ZNF710: variants seen among roughly 807,000 people sequenced by gnomAD.
ZNF710 encodes zinc finger protein 710.
In ZNF710, 13 loss-of-function variants were observed where a neutral mutation model predicts 50.6. The ratio of observed to expected loss-of-function variants is 0.26; its 90% CI spans 0.17 to 0.41. The LOEUF (loss-of-function observed/expected upper bound fraction) is 0.41. ZNF710 is among the 10% of genes least tolerant of loss of function. The pLI is 1.00. For missense variants in ZNF710, 721 were observed against 936.6 expected, an observed-to-expected ratio of 0.77 and a Z score of 3.01; for synonymous variants, 383 against 397.0, an observed-to-expected ratio of 0.96 and a Z score of 0.42.
At chr15:90,050,642 G>T (rs559994967) in intron 1 of ZNF710, among the ~76,000 whole-genome samples, 13 of 152,330 alleles carry the variant, frequency 8.5e-5, no homozygotes, top group African/African-American at 3.1e-4. Context: ...GGAGACTGAG[G>T]CACACACAGA....
intron 1 of ZNF710, among the ~76,000 whole-genome samples, chr15:90,053,065 T>G (rs1899696147): frequency 6.6e-6 from 1 of 152,268 alleles, no homozygotes; most frequent in South Asian, 2.1e-4. Flanking sequence ...GGTGGCAACC[T>G]TTCATTCTGC....
chr15:90,077,620 A>C (rs1900624505), intron 4 of ZNF710, among the ~76,000 whole-genome samples: 1 of 152,122 alleles, frequency 6.6e-6, no homozygotes, highest in Non-Finnish European at 1.5e-5. Flanking sequence ...TGAGGGAAGA[A>C]ACAGCCCAAA....
In ZNF710 at chr15:90,080,054, AAGG is replaced by A. The variant is rs2151543257; in HGVS notation, c.*228_*230del. 6.6e-6 allele frequency: 3 copies of A among 456,666 alleles called. No individual in the cohort carries two copies. Among genetic ancestry groups the A allele is most frequent in the South Asian group, 6.6e-5 (2 of 30,428 alleles). The allele number at this position is 456,666 out of a possible 1,614,324, so 28.3% of individuals were successfully genotyped here. On this transcript the variant is annotated 3_prime_UTR_variant, in exon 5 of 5. Coordinates refer to ENST00000268154, the MANE Select transcript of ZNF710 (RefSeq NM_198526.4). ...ACAGGCCCAGGCATCCCAGCAAGGG[AAGG>A]AGAACACGCGAGGCCCAGATCTGGG...
chr15:90,029,097 C>G (rs914085040), intron 1 of ZNF710, among the ~76,000 whole-genome samples: 1 of 152,206 alleles, frequency 6.6e-6, no homozygotes, highest in African/African-American at 2.4e-5. Context: ...CAGGGAAAGG[C>G]TGTGCTCTGT....
intron 3 of ZNF710, 46 bp downstream of exon 3, chr15:90,073,308 T>C (rs1298233272): frequency 6.3e-7 from 1 of 1,585,006 alleles, no homozygotes; most frequent in African/African-American, 1.3e-5. Context: ...CCGAGGGTGG[T>C]CTGGAATCAG....
chr15:90,072,915 G>A (rs1900441595), intron 2 of ZNF710, among the ~76,000 whole-genome samples, 156 bp from the exon 3 acceptor site: 1 of 152,068 alleles, frequency 6.6e-6, no homozygotes, highest in Non-Finnish European at 1.5e-5. Flanking sequence ...TTTTAAACAA[G>A]TGTTACCTAT....
At chr15:90,036,856 C>T (rs1899143228) in intron 1 of ZNF710, among the ~76,000 whole-genome samples, 1 of 152,172 alleles carries the variant, frequency 6.6e-6, no homozygotes, top group African/African-American at 2.4e-5. Context: ...GCCTCGGTGA[C>T]CCCATCTCCA....
At chr15:90,058,114 C>CAAA (rs1325719789) in intron 1 of ZNF710, among the ~76,000 whole-genome samples, 1 of 152,050 alleles carries the variant, frequency 6.6e-6, no homozygotes, top group African/African-American at 2.4e-5. Flanking sequence ...GGGAATGGAT[C>CAAA]AAGAGAGCGA....
chr15:90,073,989 C>CA (rs35145118), intron 3 of ZNF710, 127 bp from the exon 4 acceptor site: 84,558 of 670,968 alleles, frequency 0.13, 5,020 homozygotes, highest in Admixed American at 0.24. Flanking sequence ...GAGTCTGTCT[C>CA]AAAAAAAAAA....
At chr15:90,027,196 G>A (rs376695373) in intron 1 of ZNF710, among the ~76,000 whole-genome samples, 41 of 152,084 alleles carry the variant, frequency 2.7e-4, no homozygotes, top group Middle Eastern at 3.4e-3. Flanking sequence ...TTAAAAAATT[G>A]TAACTTCTTT....
At chr15:90,026,491 A>G (rs947038899) in intron 1 of ZNF710, among the ~76,000 whole-genome samples, 8 of 152,102 alleles carry the variant, frequency 5.3e-5, no homozygotes, top group Admixed American at 3.3e-4. Flanking sequence ...TGTTTTTGCT[A>G]GTTAATTATT....
chr15:90,001,895 A>G (rs1596257654), intron 1 of ZNF710, among the ~76,000 whole-genome samples: 1 of 27,806 alleles, frequency 3.6e-5, no homozygotes, highest in Non-Finnish European at 7.4e-5. Flanking sequence ...GGGGGGAGGG[A>G]GAGGAGGGGG....
chr15:90,033,739 GT>G (rs1334153595), intron 1 of ZNF710, among the ~76,000 whole-genome samples: 1 of 152,166 alleles, frequency 6.6e-6, no homozygotes, highest in Non-Finnish European at 1.5e-5. Context: ...CATAGACTTG[GT>G]TTGACTCTGG....
chr15:90,005,784 G>A (rs891940385), intron 1 of ZNF710, among the ~76,000 whole-genome samples: 1 of 152,166 alleles, frequency 6.6e-6, no homozygotes, highest in African/African-American at 2.4e-5. Context: ...CAGAATATAG[G>A]GAGAATAATA....
chr15:90,078,944 A>G (rs1451733904), intron 4 of ZNF710, among the ~76,000 whole-genome samples: 1 of 152,206 alleles, frequency 6.6e-6, no homozygotes, highest in Non-Finnish European at 1.5e-5. Context: ...TTTCAATTTT[A>G]TAAAATTATA....
chr15:90,072,539 A>T lies in ZNF710; in HGVS notation c.1459-532A>T, dbSNP rs187935320. Among the ~76,000 whole-genome samples the T allele has an allele frequency of 2.6e-5, 4 of 152,298 alleles. No homozygotes were observed. In the East Asian group the frequency reaches 7.7e-4, roughly 29 times the overall value. On this transcript the variant is annotated intron_variant, in intron 2 of 4. Coordinates refer to ENST00000268154, the MANE Select transcript of ZNF710 (RefSeq NM_198526.4). ...TGGGGGGGTGTCCATAGCTTCAATC[A>T]TATTATCAAAAGGGTCTGAACCAAA...
At chr15:90,015,037 C>T (rs1898414411) in intron 1 of ZNF710, among the ~76,000 whole-genome samples, 1 of 152,034 alleles carries the variant, frequency 6.6e-6, no homozygotes, top group South Asian at 2.1e-4. Context: ...GGATTACAGG[C>T]ATGCACCACT....
intron 1 of ZNF710, among the ~76,000 whole-genome samples, chr15:90,055,067 G>A (rs952120526): frequency 6.6e-6 from 1 of 152,248 alleles, no homozygotes; most frequent in Non-Finnish European, 1.5e-5. Context: ...TCTGCCCTTG[G>A]AGAATGTAAT....
rs1177153945 is a variant in ZNF710, at chr15:90,034,218, A to AAAAG, written c.-29+32608_-29+32611dup. ...GTCTCAAAAAAAAAGAAAAGAAAAG[A>AAAAG]AAAGAAAAGAAAACAGGTGAACGAC... On this transcript the variant is annotated intron_variant, in intron 1 of 4. Coordinates refer to ENST00000268154, the MANE Select transcript of ZNF710 (RefSeq NM_198526.4). This position sits in a 1 kb window ranked among gnomAD's most constrained non-coding sequence, Gnocchi z 4.0. Among the ~76,000 whole-genome samples the AAAAG allele has an allele frequency of 3.3e-5, 5 of 151,912 alleles. No homozygotes were observed. Among genetic ancestry groups the AAAAG allele is most frequent in the African/African-American group, 2.4e-5 (1 of 41,336 alleles).
Sources: gnomAD v4.1 joint callset for allele counts (sites outside exome capture counted in the v4.1 genomes callset) on GRCh38, gnomAD v4.1.1 for gene constraint, Gnocchi (gnomAD v3.1) non-coding constraint, MANE v1.5 for transcripts, NCBI Gene and HGNC (gene_info 2026-07-23, HGNC 2026-07-21) for gene names.